The following KIAA0513 variants were observed in gnomAD, a reference collection of about 807,000 sequenced individuals.
KIAA0513 encodes the protein uncharacterized protein KIAA0513.
In KIAA0513, 39 loss-of-function variants were observed where a neutral mutation model predicts 56.5. The observed-to-expected ratio is 0.69, with a 90% confidence interval of 0.53 to 0.90. KIAA0513 has a LOEUF of 0.90. Among genes scored for constraint, KIAA0513 ranks in the 40% least tolerant of loss-of-function variants. The pLI is 0.00. For missense variants in KIAA0513, 591 were observed against 535.2 expected (o/e 1.10, Z -1.03); for synonymous variants, 268 against 215.6 (o/e 1.24, Z -2.13).
In KIAA0513 at chr16:85,075,894, G is replaced by C. The variant is rs763035591; in HGVS notation, c.554G>C (p.Cys185Ser). The change falls in exon 5 of 13, where the codon TGC (cysteine) becomes TCC (serine). Residue 185 changes from cysteine (C) to serine (S), a missense_variant. By Grantham distance (112) the Cys-to-Ser change is moderately radical. Coordinates refer to ENST00000683363, the MANE Select transcript of KIAA0513 (RefSeq NM_001388359.1). Reference sequence around the variant, plus strand: ...CCTGCCAAGAACCTCATGACCATGTGCTTCACCTACTACCACATCGGTAAG... The same window carrying C: ...CCTGCCAAGAACCTCATGACCATGTCCTTCACCTACTACCACATCGGTAAG... ...FGPAKNLMTM[C>S]FTYYHIGKPQ... 9.3e-6 allele frequency: 15 copies of C among 1,613,854 alleles called. 1 individual carries two copies. Among genetic ancestry groups the C allele is most frequent in the African/African-American group, 8.0e-5 (6 of 74,902 alleles).
In KIAA0513 at chr16:85,087,076, T is replaced by C; in HGVS notation, c.1096T>C (p.Phe366Leu). The C allele has an allele frequency of 6.2e-7, 1 of 1,614,136 alleles. No homozygotes were observed. Among genetic ancestry groups the C allele is most frequent in the Non-Finnish European group, 8.5e-7 (1 of 1,179,980 alleles). The change falls in exon 12 of 13, where the codon TTC becomes CTC. Residue 366 changes from phenylalanine to leucine, a missense_variant. By Grantham distance (22) the Phe-to-Leu change is conservative (BLOSUM62 0). Coordinates refer to ENST00000683363, the MANE Select transcript of KIAA0513 (RefSeq NM_001388359.1). The stretch of plus-strand genomic sequence containing the variant: ...CTCTTGGGGTTTCTCCTGCAGCACA[T>C]TCACGCACAACATGCTGGCCTTTGG... ...ENITFGQLGTFTHNMLAFGLN... is the reference protein window; with the variant it reads ...ENITFGQLGTLTHNMLAFGLN...
intron 1 of KIAA0513, among the ~76,000 whole-genome samples, chr16:85,050,596 G>C (rs144221417): frequency 2.0e-5 from 3 of 152,110 alleles, no homozygotes; most frequent in Admixed American, 1.3e-4. Context: ...GATTACAGGC[G>C]TGAGCCGCCG....
intron 1 of KIAA0513, among the ~76,000 whole-genome samples, chr16:85,052,562 G>C (rs2073269133): frequency 6.6e-6 from 1 of 152,136 alleles, no homozygotes; most frequent in Non-Finnish European, 1.5e-5. Flanking sequence ...CATCCTAATG[G>C]GTTTCTTTGG....
At chr16:85,080,069 G>A (rs2073720403) in intron 8 of KIAA0513, among the ~76,000 whole-genome samples, 1 of 152,204 alleles carries the variant, frequency 6.6e-6, no homozygotes, top group Non-Finnish European at 1.5e-5. Context: ...GTTACTTGAG[G>A]AGCTTGGCCA....
At chr16:85,083,065 G>C in intron 10 of KIAA0513, among the ~76,000 whole-genome samples, 1 of 152,222 alleles carries the variant, frequency 6.6e-6, no homozygotes, top group East Asian at 1.9e-4. Context: ...TGCAGAGCCT[G>C]TCCTGTTTGC....
chr16:85,066,336 G>A (rs572489260), intron 1 of KIAA0513, among the ~76,000 whole-genome samples: 2 of 152,326 alleles, frequency 1.3e-5, no homozygotes, highest in African/African-American at 4.8e-5. Flanking sequence ...GCAGTGCTGG[G>A]AGAGGGGACA....
rs529375232 is a variant in KIAA0513 at position 85,032,918 on chromosome 16, C to G, written c.-173+5060C>G. Among the ~76,000 whole-genome samples, 4 of 152,186 alleles carry G rather than the reference C, an allele frequency of 2.6e-5. No individual in the cohort carries two copies. The East Asian group carries it at 7.7e-4, about 29-fold the overall frequency. On this transcript the variant is annotated intron_variant, in intron 1 of 12. Transcript: ENST00000683363. ...GTGCTGGGATTACAGGCATAGAGAC[C>G]GCGCCCGGCCCCACAGAGACCCTAT... is the stretch of plus-strand genomic sequence containing the variant.
chr16:85,046,878 G>A (rs8045099), intron 1 of KIAA0513, among the ~76,000 whole-genome samples: 60,437 of 151,926 alleles, frequency 0.4, 13,349 homozygotes, highest in African/African-American at 0.6. Flanking sequence ...AGTGTTTTTT[G>A]TAATAGCTGC....
At chr16:85,040,056 A>T (rs1441235964) in intron 1 of KIAA0513, among the ~76,000 whole-genome samples, 1 of 150,458 alleles carries the variant, frequency 6.6e-6, no homozygotes, top group Non-Finnish European at 1.5e-5. Flanking sequence ...CTAGTCTCGA[A>T]CTCCTGACCT....
intron 1 of KIAA0513, among the ~76,000 whole-genome samples, chr16:85,051,026 G>T (rs2073245602): frequency 6.6e-6 from 1 of 152,116 alleles, no homozygotes; most frequent in African/African-American, 2.4e-5. Context: ...AGGCATGGTG[G>T]TGCAGCTACT....
In KIAA0513 at chr16:85,077,441, GC is replaced by G. The variant is rs766924289; in HGVS notation, c.596del (p.Pro199ArgfsTer15). The G allele has an allele frequency of 6.2e-7, 1 of 1,614,034 alleles. No homozygotes were observed. Among genetic ancestry groups the G allele is most frequent in the South Asian group, 1.1e-5 (1 of 91,066 alleles). ...YYHIGKPQLL[P>X]PESREKPAGS... is the part of the protein sequence containing the mutation. ...TCATCCAAGGAAAACCACAGCTGCT[GC>G]CCCCGGAGTCCCGGGAGAAGCCCGC... On this transcript the variant is annotated frameshift_variant, in exon 6 of 13. Coordinates refer to ENST00000683363, the MANE Select transcript of KIAA0513 (RefSeq NM_001388359.1).
At chr16:85,047,761 C>T (rs3803636) in intron 1 of KIAA0513, among the ~76,000 whole-genome samples, 1,959 of 152,198 alleles carry the variant, frequency 0.013, 28 homozygotes, top group Non-Finnish European at 0.017. Flanking sequence ...CTGGAGCCCC[C>T]GGGCACACTC....
At chr16:85,057,264 T>C (rs769575007) in intron 1 of KIAA0513, among the ~76,000 whole-genome samples, 11 of 152,166 alleles carry the variant, frequency 7.2e-5, no homozygotes, top group Admixed American at 2.0e-4. Flanking sequence ...ATTTTATTGA[T>C]CAAAAGACCA....
At chr16:85,066,357 G>T (rs575072600) in intron 1 of KIAA0513, among the ~76,000 whole-genome samples, 1 of 152,314 alleles carries the variant, frequency 6.6e-6, no homozygotes, top group South Asian at 2.1e-4. Context: ...GGTCCAGATG[G>T]CAAATGTTGT....
intron 2 of KIAA0513, among the ~76,000 whole-genome samples, chr16:85,067,831 G>A (rs2073511144): frequency 6.6e-6 from 1 of 151,334 alleles, no homozygotes; most frequent in African/African-American, 2.4e-5. Context: ...CTTTTTTTGA[G>A]ACAGAGTCTG....
At chr16:85,055,170 C>T (rs949176386) in intron 1 of KIAA0513, among the ~76,000 whole-genome samples, 8 of 152,062 alleles carry the variant, frequency 5.3e-5, no homozygotes, top group East Asian at 1.9e-4. Flanking sequence ...TGAGCCTCCC[C>T]GCCTTGGCCT....
chr16:85,042,377 CG>C (rs768589579), intron 1 of KIAA0513, among the ~76,000 whole-genome samples: 26 of 151,962 alleles, frequency 1.7e-4, no homozygotes, highest in Non-Finnish European at 3.2e-4. Context: ...TAATCCACCC[CG>C]GTGTACTGCA....
intron 1 of KIAA0513, among the ~76,000 whole-genome samples, chr16:85,058,489 C>T (rs745334304): frequency 1.9e-4 from 29 of 152,124 alleles, no homozygotes; most frequent in Non-Finnish European, 3.7e-4. Context: ...CCCATCTGTA[C>T]TAAAAGTACA....
chr16:85,054,421 C>CTTTTTTTTT (rs398042273), intron 1 of KIAA0513, among the ~76,000 whole-genome samples: 134 of 119,458 alleles, frequency 1.1e-3, no homozygotes, highest in Non-Finnish European at 1.4e-3. Context: ...TTTTTCTTTT[C>CTTTTTTTTT]TTTTTTTTTT....
Sources: allele counts gnomAD v4.1 joint callset (sites outside exome capture counted in the v4.1 genomes callset), GRCh38; gene constraint gnomAD v4.1.1; transcripts MANE v1.5; gene names NCBI Gene and HGNC (gene_info 2026-07-23, HGNC 2026-07-21).